The following TRANK1 variants were observed in gnomAD, a reference collection of about 807,000 sequenced individuals.
TRANK1 encodes the protein tetratricopeptide repeat and ankyrin repeat containing 1, also known as TPR and ankyrin repeat-containing protein 1.
In TRANK1, 198 loss-of-function variants were observed where a neutral mutation model predicts 266.0. That is an observed-to-expected ratio of 0.74 (90% CI 0.66 to 0.84). The LOEUF (loss-of-function observed/expected upper bound fraction) is 0.84, where lower values mean the gene tolerates loss of function less well. Among genes scored for constraint, TRANK1 ranks in the 40% least tolerant of loss-of-function variants. The probability of loss-of-function intolerance (pLI) is 0.00; values close to 1 mark genes in which losing one functional copy is unlikely to be tolerated. For missense variants in TRANK1, 3,326 were observed against 3,634.6 expected (o/e 0.92, Z 2.18); for synonymous variants, 1,396 against 1,384.1 (o/e 1.01, Z -0.19).
At chr3:36,883,713 A>C (rs2079563822) in intron 8 of TRANK1, among the ~76,000 whole-genome samples, 1 of 152,150 alleles carries the variant, frequency 6.6e-6, no homozygotes, top group East Asian at 1.9e-4. Flanking sequence ...CGGAAGTGAC[A>C]TTTCTTTAAG....
chr3:36,938,225 T>G (rs887417360), intron 1 of TRANK1, among the ~76,000 whole-genome samples: 12 of 152,204 alleles, frequency 7.9e-5, no homozygotes, highest in East Asian at 3.9e-4. Flanking sequence ...GTTTTGTTTT[T>G]TTTGTTTTTT....
chr3:36,904,629 G>C (rs1281060170), intron 2 of TRANK1, among the ~76,000 whole-genome samples: 4 of 152,052 alleles, frequency 2.6e-5, no homozygotes, highest in Admixed American at 2.6e-4. Flanking sequence ...AATAAACAAA[G>C]GAAAAATCAC....
At chr3:36,874,031 T>C in intron 9 of TRANK1, 95 bp downstream of exon 9, 1 of 1,109,124 alleles carries the variant, frequency 9.0e-7, no homozygotes, top group South Asian at 1.7e-5. Context: ...TGTGTGTGTA[T>C]ATATATATAT....
At chr3:36,928,253 A>G (rs75130374) in intron 1 of TRANK1, among the ~76,000 whole-genome samples, 1 of 152,230 alleles carries the variant, frequency 6.6e-6, no homozygotes, top group African/African-American at 2.4e-5. Flanking sequence ...AATTTCTGAC[A>G]TGATTTCATG....
intron 21 of TRANK1, chr3:36,834,353 G>A: frequency 5.1e-6 from 1 of 197,088 alleles, no homozygotes; most frequent in Non-Finnish European, 1.0e-5. Flanking sequence ...GGCTGCACAT[G>A]CATCAGCAAT....
chr3:36,903,589 C>T (rs1339264132), intron 2 of TRANK1, among the ~76,000 whole-genome samples: 1 of 152,242 alleles, frequency 6.6e-6, no homozygotes, highest in Non-Finnish European at 1.5e-5. Flanking sequence ...TCAGAAGAAT[C>T]GGCTTCAGGT....
At chr3:36,879,778 A>ATG (rs2079466267) in intron 8 of TRANK1, among the ~76,000 whole-genome samples, 1 of 77,032 alleles carries the variant, frequency 1.3e-5, no homozygotes, top group African/African-American at 5.3e-5. Flanking sequence ...ATAAATATAT[A>ATG]TAAATATGTA....
chr3:36,931,306 C>A (rs1159701515), intron 1 of TRANK1, among the ~76,000 whole-genome samples: 1 of 152,058 alleles, frequency 6.6e-6, no homozygotes, highest in Non-Finnish European at 1.5e-5. Flanking sequence ...GTATATTGAT[C>A]TAGGATAACC....
chr3:36,933,492 G>T (rs1025356879), intron 1 of TRANK1, among the ~76,000 whole-genome samples: 2 of 152,200 alleles, frequency 1.3e-5, no homozygotes, highest in African/African-American at 4.8e-5. Context: ...GAGATTAGGG[G>T]GCCTTGAGCC....
chr3:36,905,242 G>C (rs1289371962), intron 2 of TRANK1, among the ~76,000 whole-genome samples: 1 of 148,798 alleles, frequency 6.7e-6, no homozygotes, highest in Non-Finnish European at 1.5e-5. Flanking sequence ...AGTGAGCCGA[G>C]ATCGTGCCGT....
intron 1 of TRANK1, among the ~76,000 whole-genome samples, chr3:36,918,874 G>C (rs902716762): frequency 3.3e-5 from 5 of 152,166 alleles, no homozygotes; most frequent in African/African-American, 1.2e-4. Flanking sequence ...AAGCAGCCAA[G>C]ATACTAATTA....
At chr3:36,873,653 C>T (rs1031937845) in intron 9 of TRANK1, among the ~76,000 whole-genome samples, 1 of 151,934 alleles carries the variant, frequency 6.6e-6, no homozygotes, top group Non-Finnish European at 1.5e-5. Context: ...TAAACAAAAC[C>T]CAACAAATAG....
At position 36,828,224 on chromosome 3, in the gene TRANK1, A is replaced by G. The variant is rs574238750; in HGVS notation, c.*51T>C. On this transcript the variant is annotated 3_prime_UTR_variant, in exon 24 of 24. Coordinates refer to ENST00000645898, the MANE Select transcript of TRANK1 (RefSeq NM_001329998.2). ...CTTCTGCCCCAGCGCTCAGAATTCTAAGTCAGAATGGAATGTTCCGAAGGA... is the reference window on the plus strand; with the variant it reads ...CTTCTGCCCCAGCGCTCAGAATTCTGAGTCAGAATGGAATGTTCCGAAGGA... 1.2e-5 allele frequency: 17 copies of G among 1,390,794 alleles called. No homozygotes were observed. The South Asian group carries it at 1.7e-4, about 14-fold the overall frequency. The allele number at this position is 1,390,794 out of a possible 1,614,324, so 86.2% of individuals were successfully genotyped here.
At chr3:36,858,697 G>T (rs1356946070) in intron 12 of TRANK1, 21 bp downstream of exon 12, 1 of 1,478,508 alleles carries the variant, frequency 6.8e-7, no homozygotes, top group Admixed American at 2.4e-5. Flanking sequence ...GGAGACGGCT[G>T]CTTAAAAAAC....
intron 1 of TRANK1, among the ~76,000 whole-genome samples, chr3:36,912,543 CTA>C (rs766480278): frequency 2.6e-5 from 4 of 152,194 alleles, no homozygotes; most frequent in Non-Finnish European, 4.4e-5. Context: ...CACTATGTCT[CTA>C]TGAGAATTCA....
At position 36,857,464 on chromosome 3, in the gene TRANK1, C is replaced by G; in HGVS notation, c.2258G>C (p.Cys753Ser). The change falls in exon 13 of 24, where the codon TGT becomes TCT. Residue 753 changes from cysteine to serine, a missense_variant. By Grantham distance (112) the Cys-to-Ser change is moderately radical. Coordinates refer to ENST00000645898, the MANE Select transcript of TRANK1 (RefSeq NM_001329998.2). The surrounding 1 kb of genome is among the most constrained non-coding windows in gnomAD (Gnocchi z 4.3). Reference sequence around the variant, plus strand: ...CTCCAGAGGCTCAGAGCTCTGAAGACAGTCCTCTGGGAAAGACGGATCCAC... The same window carrying G: ...CTCCAGAGGCTCAGAGCTCTGAAGAGAGTCCTCTGGGAAAGACGGATCCAC... ...VEVDPSFPED[C>S]LQSSEPLEAG... is the part of the protein sequence containing the mutation. 1 of 1,613,998 alleles carries G rather than the reference C, an allele frequency of 6.2e-7. No individual in the cohort carries two copies. Among genetic ancestry groups the G allele is most frequent in the Non-Finnish European group, 8.5e-7 (1 of 1,179,874 alleles).
At chr3:36,922,040 G>T (rs2080222917) in intron 1 of TRANK1, among the ~76,000 whole-genome samples, 1 of 152,146 alleles carries the variant, frequency 6.6e-6, no homozygotes. Flanking sequence ...CCAGCTATTT[G>T]GGAAACTGAG....
rs546918139 is a variant in TRANK1 at position 36,894,501 on chromosome 3, G to C, written c.552+1139C>G. Among the ~76,000 whole-genome samples, 52 of 152,274 alleles carry C rather than the reference G, an allele frequency of 3.4e-4. No individual in the cohort carries two copies. The South Asian group carries it at 0.011, about 31-fold the overall frequency. Reference sequence around the variant, plus strand: ...ATGGGACCCTGGATTTCTGACTACTGGTTCCCCAAGAGTTCAGTCTGCCTT... The same window carrying C: ...ATGGGACCCTGGATTTCTGACTACTCGTTCCCCAAGAGTTCAGTCTGCCTT... On this transcript the variant is annotated intron_variant, in intron 5 of 23. Transcript: ENST00000645898.
At chr3:36,928,848 A>G (rs959437060) in intron 1 of TRANK1, among the ~76,000 whole-genome samples, 2 of 152,186 alleles carry the variant, frequency 1.3e-5, no homozygotes, top group Non-Finnish European at 2.9e-5. Flanking sequence ...GGGCAAATTC[A>G]CTATTATAAA....
Sources: allele counts gnomAD v4.1 joint callset (sites outside exome capture counted in the v4.1 genomes callset), GRCh38; gene constraint gnomAD v4.1.1; non-coding constraint Gnocchi (gnomAD v3.1); transcripts MANE v1.5; gene names NCBI Gene and HGNC (gene_info 2026-07-23, HGNC 2026-07-21).